The following MRTFB variants were observed in gnomAD, a reference collection of about 807,000 sequenced individuals.
The protein encoded by MRTFB is myocardin related transcription factor B.
In MRTFB, 29 loss-of-function variants were observed where a neutral mutation model predicts 104.2. That is an observed-to-expected ratio of 0.28 (90% CI 0.21 to 0.38). MRTFB has a LOEUF of 0.38. MRTFB is among the 10% of genes least tolerant of loss of function. The pLI is 1.00. For synonymous variants in MRTFB, 535 were observed against 519.5 expected (o/e 1.03, Z -0.41); for missense variants, 1,270 against 1,341.6 (o/e 0.95, Z 0.83).
chr16:14,252,436 A>G lies in MRTFB; in HGVS notation c.2637A>G (p.Thr879=). The change falls in exon 15 of 17, where the codon ACA becomes ACG. Residue 879 remains threonine (T), a synonymous_variant. Coordinates refer to ENST00000571589, the MANE Select transcript of MRTFB (RefSeq NM_001308142.2). ...HSLFGSPVAK[T]KDPPRYEEAI... is the part of the protein sequence containing the mutation. ...TATTTGGGAGTCCAGTCGCCAAGAC[A>G]AAAGATCCCCCCCGCTATGAGGAGG... is the stretch of plus-strand genomic sequence containing the variant. 6.2e-7 allele frequency: 1 copy of G among 1,613,790 alleles called. No individual in the cohort carries two copies. The highest frequency in any genetic ancestry group is 8.5e-7 in the Non-Finnish European group (1 of 1,179,952).
intron 2 of MRTFB, among the ~76,000 whole-genome samples, chr16:14,139,961 A>G (rs909859295): frequency 6.6e-6 from 1 of 152,208 alleles, no homozygotes; most frequent in African/African-American, 2.4e-5. Flanking sequence ...TGATTTCCAT[A>G]TCAGTCAGAA....
chr16:14,041,490 T>C, the MRTFB span, among the ~76,000 whole-genome samples: 2,347 of 152,312 alleles, frequency 0.015, 66 homozygotes, highest in African/African-American at 0.054. Context: ...ATCCGTGTTG[T>C]AGCATCTCGT....
At chr16:14,046,260 AGGT>A in the MRTFB span, among the ~76,000 whole-genome samples, 1 of 152,214 alleles carries the variant, frequency 6.6e-6, no homozygotes, top group Admixed American at 6.5e-5. Flanking sequence ...CAGGAAGTTG[AGGT>A]GGTAGTGATC....
At chr16:14,228,919 A>C (rs1198829458) in intron 8 of MRTFB, among the ~76,000 whole-genome samples, 1 of 152,182 alleles carries the variant, frequency 6.6e-6, no homozygotes, top group Non-Finnish European at 1.5e-5. Flanking sequence ...GGTGAGGGGA[A>C]TGTGGAACCA....
chr16:14,260,105 G>T (rs1015996777), intron 16 of MRTFB, among the ~76,000 whole-genome samples: 50 of 152,292 alleles, frequency 3.3e-4, no homozygotes, highest in African/African-American at 1.1e-3. Context: ...TTAATTTGCT[G>T]CCTGATCTGG....
intron 3 of MRTFB, among the ~76,000 whole-genome samples, chr16:14,183,785 C>CT (rs1161263605): frequency 6.6e-6 from 1 of 152,052 alleles, no homozygotes; most frequent in East Asian, 1.9e-4. Flanking sequence ...AAATTACTTT[C>CT]TTTGAGAACT....
chr16:14,149,965 T>C (rs1234088561), intron 3 of MRTFB, among the ~76,000 whole-genome samples: 1 of 152,136 alleles, frequency 6.6e-6, no homozygotes, highest in East Asian at 1.9e-4. Context: ...TCCTTCTAGA[T>C]TGTTGGGAAG....
At position 14,177,635 on chromosome 16, in the gene MRTFB, A is replaced by C. The variant is rs1382070907; in HGVS notation, c.155-32608A>C. Among the ~76,000 whole-genome samples the C allele has an allele frequency of 6.6e-6, 1 of 152,074 alleles. No homozygotes were observed. The highest frequency in any genetic ancestry group is 2.4e-5 in the African/African-American group (1 of 41,406). On this transcript the variant is annotated intron_variant, in intron 3 of 16. Coordinates refer to ENST00000571589, the MANE Select transcript of MRTFB (RefSeq NM_001308142.2). The surrounding 1 kb of genome is among the most constrained non-coding windows in gnomAD (Gnocchi z 4.7). ...AGCCCAGGAGTTCGAGACCAGCCTG[A>C]GCAACATAGCAAGACCTCATCTCTA... is the stretch of plus-strand genomic sequence containing the variant.
intron 3 of MRTFB, among the ~76,000 whole-genome samples, chr16:14,153,575 A>G (rs186293449): frequency 2.6e-3 from 403 of 152,342 alleles, no homozygotes; most frequent in Non-Finnish European, 5.3e-3. Context: ...CAAATATTAT[A>G]ATTTGAAGGA....
At chr16:14,056,983 C>A in the MRTFB span, among the ~76,000 whole-genome samples, 1 of 152,154 alleles carries the variant, frequency 6.6e-6, no homozygotes, top group Non-Finnish European at 1.5e-5. Flanking sequence ...TCCCTTCTCA[C>A]CCTTCCTCTC....
chr16:14,234,073 C>G, intron 8 of MRTFB, 73 bp from the exon 9 acceptor site: 2 of 1,560,176 alleles, frequency 1.3e-6, no homozygotes, highest in Non-Finnish European at 1.7e-6. Context: ...AGGTCATTCC[C>G]TTGTAATTCT....
rs575223257 is a variant in MRTFB at position 14,193,027 on chromosome 16, C to T, written c.155-17216C>T. On this transcript the variant is annotated intron_variant, in intron 3 of 16. Transcript: ENST00000571589. ...ACGGCCAACAGCCCTGTCCAGGTCC[C>T]CTTTACTCAGATCACATATTTACGG... Among the ~76,000 whole-genome samples the T allele has an allele frequency of 4.7e-4, 71 of 152,048 alleles. No individual in the cohort carries two copies. In the South Asian group the frequency reaches 6.9e-3, roughly 15 times the overall value.
chr16:14,244,609 G>A (rs1375867857), intron 10 of MRTFB, among the ~76,000 whole-genome samples: 3 of 152,164 alleles, frequency 2.0e-5, no homozygotes, highest in Non-Finnish European at 2.9e-5. Context: ...CACTGAAAAT[G>A]CAGGGCTATT....
At chr16:14,095,705 T>C (rs2035322763) in intron 2 of MRTFB, among the ~76,000 whole-genome samples, 1 of 152,226 alleles carries the variant, frequency 6.6e-6, no homozygotes, top group South Asian at 2.1e-4. Context: ...TGTCTCTGCT[T>C]TTGGATACTT....
intron 8 of MRTFB, among the ~76,000 whole-genome samples, chr16:14,226,762 G>T (rs2042020163): frequency 1.3e-5 from 2 of 152,010 alleles, no homozygotes; most frequent in Admixed American, 1.3e-4. Flanking sequence ...ATCCCTTGAG[G>T]CCAGGAGTTG....
chr16:14,160,313 G>T (rs951263600), intron 3 of MRTFB, among the ~76,000 whole-genome samples: 2 of 152,084 alleles, frequency 1.3e-5, no homozygotes, highest in Admixed American at 6.5e-5. Flanking sequence ...GAATTTGTCA[G>T]ATCAGTCCTA....
Position 14,100,564 on chromosome 16 carries a change from G to T in MRTFB, c.-64+21210G>T, listed in dbSNP as rs76784425. On this transcript the variant is annotated intron_variant, in intron 2 of 16. Coordinates refer to ENST00000571589, the MANE Select transcript of MRTFB (RefSeq NM_001308142.2). ...AGCCTCTTCTAGTGTCTTTGGTTTT[G>T]GTATCAAGTTAATGCTGGCCTAATA... Among the ~76,000 whole-genome samples the T allele has an allele frequency of 4.4e-3, 666 of 152,160 alleles. 5 individuals are homozygous for T. Among genetic ancestry groups the T allele is most frequent in the African/African-American group, 0.015 (635 of 41,508 alleles).
intron 15 of MRTFB, among the ~76,000 whole-genome samples, chr16:14,253,444 G>A (rs1355612886): frequency 1.3e-5 from 2 of 152,192 alleles, no homozygotes; most frequent in African/African-American, 4.8e-5. Context: ...TGTTCCATGG[G>A]GTAACTTGTT....
chr16:14,083,777 T>G (rs966638345), intron 2 of MRTFB, among the ~76,000 whole-genome samples: 1 of 152,196 alleles, frequency 6.6e-6, no homozygotes, highest in African/African-American at 2.4e-5. Context: ...TTTTTAGGAA[T>G]GGATAGTTGT....
Sources: gnomAD v4.1 joint callset for allele counts (sites outside exome capture counted in the v4.1 genomes callset) on GRCh38, gnomAD v4.1.1 for gene constraint, Gnocchi (gnomAD v3.1) non-coding constraint, MANE v1.5 for transcripts, NCBI Gene and HGNC (gene_info 2026-07-23, HGNC 2026-07-21) for gene names.